Variants in NFKBIB observed in about 807,000 individuals in gnomAD.
NFKBIB encodes the protein NFKB inhibitor beta, also known as NF-kappa-B inhibitor beta.
Under a neutral mutation model 32.1 loss-of-function variants are expected in NFKBIB, and 16 were observed. That is an observed-to-expected ratio of 0.50 (90% CI 0.34 to 0.76). NFKBIB has a LOEUF of 0.76. Among genes scored for constraint, NFKBIB ranks in the 30% least tolerant of loss-of-function variants. The probability of loss-of-function intolerance (pLI) is 0.01; values close to 1 mark genes in which losing one functional copy is unlikely to be tolerated. For missense variants in NFKBIB, 437 were observed against 514.9 expected, an observed-to-expected ratio of 0.85 and a Z score of 1.46; for synonymous variants, 222 against 219.5, an observed-to-expected ratio of 1.01 and a Z score of -0.10.
At chr19:38,900,366 C>G (rs2144718800) in intron 1 of NFKBIB, among the ~76,000 whole-genome samples, 155 bp downstream of exon 1, 1 of 152,338 alleles carries the variant, frequency 6.6e-6, no homozygotes, top group South Asian at 2.1e-4. Flanking sequence ...TAACTTTTAA[C>G]AAAACCAATC....
At chr19:38,899,923 G>A, upstream of NFKBIB, 1 of 1,141,444 alleles carries the variant, frequency 8.8e-7, no homozygotes, top group South Asian at 1.6e-5. Flanking sequence ...ATCATTGGGT[G>A]AATCAGGGGG....
At position 38,907,312 on chromosome 19, in the gene NFKBIB, G is replaced by A; in HGVS notation, c.708+3G>A. ...CTGGAGCTGACCTTGACAAACCGGT[G>A]AGCCCCAACCTCGGGGAAGATGCCG... On this transcript the variant is annotated splice_donor_region_variant and intron_variant, in intron 4 of 5. Transcript: ENST00000313582. The A allele has an allele frequency of 4.3e-6, 7 of 1,612,370 alleles. No homozygotes were observed. The highest frequency in any genetic ancestry group is 1.7e-5 in the Admixed American group (1 of 59,976).
At chr19:38,901,769 A>C (rs966305168) in intron 1 of NFKBIB, among the ~76,000 whole-genome samples, 5 of 152,160 alleles carry the variant, frequency 3.3e-5, no homozygotes. Flanking sequence ...CTGGGATTAC[A>C]GGTGTGAGCC....
chr19:38,905,340 T>TGTGCCC lies in NFKBIB; in HGVS notation c.431_436dup (p.Arg144_Ala145dup). 1 of 1,611,202 alleles carries TGTGCCC rather than the reference T, an allele frequency of 6.2e-7. No homozygotes were observed. Among genetic ancestry groups the TGTGCCC allele is most frequent in the Non-Finnish European group, 8.5e-7 (1 of 1,179,228 alleles). ...GGCCTGCCGTGTGGGGGCACACGCCTGTGCCCGTGCCCTGCTTCAGCCCCG... is the reference window on the plus strand; with the variant it reads ...GGCCTGCCGTGTGGGGGCACACGCCTGTGCCCGTGCCCGTGCCCTGCTTCAGCCCCG... On this transcript the variant is annotated inframe_insertion, in exon 3 of 6. Coordinates refer to ENST00000313582, the MANE Select transcript of NFKBIB (RefSeq NM_002503.5). The surrounding 1 kb of genome is among the most constrained non-coding windows in gnomAD (Gnocchi z 5.5).
rs748383232 is a variant in NFKBIB, at chr19:38,905,000, G to T, written c.180-15G>T. On this transcript the variant is annotated splice_polypyrimidine_tract_variant and intron_variant, in intron 1 of 5. Coordinates refer to ENST00000313582, the MANE Select transcript of NFKBIB (RefSeq NM_002503.5). ...GACTTGAACTTTGCCCTCTCACCCC[G>T]GTCTTTGTCCCCAGGGCACTGCACT... 1.2e-6 allele frequency: 2 copies of T among 1,612,622 alleles called. No homozygotes were observed. Among genetic ancestry groups the T allele is most frequent in the Non-Finnish European group, 1.7e-6 (2 of 1,179,048 alleles).
Position 38,900,153 on chromosome 19 carries a change from G to T in NFKBIB, c.121G>T (p.Gly41Cys). The change falls in exon 1 of 6, where the codon GGC (glycine) becomes TGC (cysteine). Residue 41 changes from glycine to cysteine, a missense_variant. Transcript: ENST00000313582. ...AGGACCTGGGTTGGGCGCGGAGTTG[G>T]GCCCGGGGCTGTCGTGGGCTCCCCT... Reference protein sequence around the residue: ...PGGPGLGAELGPGLSWAPLVF... With the variant: ...PGGPGLGAELCPGLSWAPLVF... 1 of 1,600,836 alleles carries T rather than the reference G, an allele frequency of 6.2e-7. No homozygotes were observed.
chr19:38,900,783 A>G (rs1441349094), intron 1 of NFKBIB, among the ~76,000 whole-genome samples: 2 of 152,242 alleles, frequency 1.3e-5, no homozygotes, highest in African/African-American at 4.8e-5. Flanking sequence ...TATTCTTTAC[A>G]CATTACCACG....
At chr19:38,906,455 CTTAAT>C (rs1974121923) in intron 3 of NFKBIB, among the ~76,000 whole-genome samples, 1 of 125,912 alleles carries the variant, frequency 7.9e-6, no homozygotes, top group Non-Finnish European at 1.7e-5. Context: ...GGGCAGGAAC[CTTAAT>C]TTAAGGTTTT....
At chr19:38,908,676 G>C (rs1974231454) in intron 5 of NFKBIB, 55 bp from the exon 6 acceptor site, 2 of 1,572,962 alleles carry the variant, frequency 1.3e-6, no homozygotes, top group Admixed American at 1.9e-5. Flanking sequence ...GGACATGGGT[G>C]GTGGGCAAAG....
At chr19:38,900,308 A>G in intron 1 of NFKBIB, 97 bp downstream of exon 1, 3 of 1,316,506 alleles carry the variant, frequency 2.3e-6, no homozygotes, top group Non-Finnish European at 3.0e-6. Flanking sequence ...TCATACTCCT[A>G]AATCTGACTT....
In NFKBIB at chr19:38,905,338, C is replaced by G. The variant is rs769269943; in HGVS notation, c.422C>G (p.Ala141Gly). ...LHLACRVGAH[A>G]CARALLQPRP... ...CTGGCCTGCCGTGTGGGGGCACACGCCTGTGCCCGTGCCCTGCTTCAGCCC... is the reference window on the plus strand; with the variant it reads ...CTGGCCTGCCGTGTGGGGGCACACGGCTGTGCCCGTGCCCTGCTTCAGCCC... The change falls in exon 3 of 6, where the codon GCC becomes GGC. Residue 141 changes from alanine (A) to glycine (G), a missense_variant. By Grantham distance (60) the Ala-to-Gly change is moderately conservative. Transcript: ENST00000313582. This position sits in a 1 kb window ranked among gnomAD's most constrained non-coding sequence, Gnocchi z 5.5. The G allele has an allele frequency of 6.2e-7, 1 of 1,611,120 alleles. No individual in the cohort carries two copies. The highest frequency in any genetic ancestry group is 2.2e-5 in the East Asian group (1 of 44,856).
At chr19:38,907,180 G>T (rs781718659) in intron 3 of NFKBIB, 41 bp from the exon 4 acceptor site, 5 of 1,537,220 alleles carry the variant, frequency 3.3e-6, no homozygotes, top group East Asian at 2.3e-5. Context: ...GGTGGGGGGG[G>T]CCCTCACCTC....
chr19:38,899,962 A>C (rs1258457562), upstream of NFKBIB: 5 of 1,406,688 alleles, frequency 3.6e-6, no homozygotes, highest in South Asian at 3.0e-5. Flanking sequence ...GCAGGGCGGA[A>C]GCTCCAGAAC....
At chr19:38,907,749 CTT>C in intron 5 of NFKBIB, 90 bp downstream of exon 5, 1 of 1,465,958 alleles carries the variant, frequency 6.8e-7, no homozygotes, top group Admixed American at 2.5e-5. Context: ...AGGCACCGAC[CTT>C]GGGCTGCTGT....
chr19:38,899,989 C>T lies in NFKBIB; in HGVS notation c.-44C>T, dbSNP rs766051556. The T allele has an allele frequency of 3.8e-5, 55 of 1,441,600 alleles. No homozygotes were observed. Among genetic ancestry groups the T allele is most frequent in the Non-Finnish European group, 5.0e-5 (55 of 1,101,130 alleles). 89.3% of individuals were successfully genotyped at this position (1,441,600 alleles called of 1,614,324 possible). A position where few individuals can be genotyped will look rare whatever the true frequency, so the allele number is the denominator to read the frequency against. Reference sequence around the variant, plus strand: ...CTCCAGAACTCCCGGCAAAGCCCAGCTACAGGCGGGCGACTGCGGGGGGCC... The same window carrying T: ...CTCCAGAACTCCCGGCAAAGCCCAGTTACAGGCGGGCGACTGCGGGGGGCC... On this transcript the variant is annotated 5_prime_UTR_variant, in exon 1 of 6. Transcript: ENST00000313582.
chr19:38,903,853 G>A (rs891613758), intron 1 of NFKBIB, among the ~76,000 whole-genome samples: 1 of 151,798 alleles, frequency 6.6e-6, no homozygotes, highest in African/African-American at 2.4e-5. Flanking sequence ...GGTGGATCAC[G>A]AGGTCAGGAG....
chr19:38,899,862 T>A, upstream of NFKBIB: 1 of 760,994 alleles, frequency 1.3e-6, no homozygotes, highest in Non-Finnish European at 2.1e-6. Flanking sequence ...CCGAATACTC[T>A]GATTGGTCAG....
chr19:38,900,709 A>C (rs1015633893), intron 1 of NFKBIB, among the ~76,000 whole-genome samples: 1 of 152,202 alleles, frequency 6.6e-6, no homozygotes, highest in Non-Finnish European at 1.5e-5. Flanking sequence ...TAAAGTAAAA[A>C]AATAGGAAAA....
intron 1 of NFKBIB, among the ~76,000 whole-genome samples, chr19:38,903,128 C>T (rs1787376403): frequency 6.6e-6 from 1 of 151,860 alleles, no homozygotes; most frequent in African/African-American, 2.4e-5. Context: ...AAAGAGAAAC[C>T]ATATGACCTA....
Sources: allele counts gnomAD v4.1 joint callset (sites outside exome capture counted in the v4.1 genomes callset), GRCh38; gene constraint gnomAD v4.1.1; non-coding constraint Gnocchi (gnomAD v3.1); transcripts MANE v1.5; gene names NCBI Gene and HGNC (gene_info 2026-07-23, HGNC 2026-07-21).